BACH2: variants seen among roughly 807,000 people sequenced by gnomAD.
BACH2 encodes BACH transcriptional regulator 2, also known as transcription regulator protein BACH2.
A neutral mutation model predicts 61.8 loss-of-function variants in BACH2; 5 were observed. The observed-to-expected ratio is 0.08, with a 90% CI of 0.04 to 0.17. The LOEUF is 0.17. Ranked by LOEUF, BACH2 falls within the 10% of genes least tolerant of loss-of-function variation. BACH2 has a pLI of 1.00. For synonymous variants in BACH2, 446 were observed against 440.1 expected (o/e 1.01, Z -0.17); for missense variants, 824 against 1,091.1 (o/e 0.76, Z 3.45).
chr6:90,266,308 C>A (rs576067999), intron 2 of BACH2, among the ~76,000 whole-genome samples: 19 of 152,244 alleles, frequency 1.2e-4, no homozygotes, highest in Non-Finnish European at 2.4e-4. Context: ...TCTGGCCCCA[C>A]GACTGACCCA....
chr6:90,111,965 C>A (rs559715869), intron 4 of BACH2, among the ~76,000 whole-genome samples: 1 of 152,338 alleles, frequency 6.6e-6, no homozygotes. Flanking sequence ...TCTCTGCATA[C>A]TGCAAAATAT....
At chr6:90,127,125 A>C (rs1447822767) in intron 4 of BACH2, among the ~76,000 whole-genome samples, 1 of 152,242 alleles carries the variant, frequency 6.6e-6, no homozygotes, top group Non-Finnish European at 1.5e-5. Flanking sequence ...AGACTGTCTT[A>C]TGTGTTGACA....
chr6:90,244,386 T>C (rs539587350), intron 3 of BACH2, among the ~76,000 whole-genome samples: 3 of 152,350 alleles, frequency 2.0e-5, no homozygotes, highest in Non-Finnish European at 2.9e-5. Context: ...TTACTATTAC[T>C]GCTTCCATTT....
intron 6 of BACH2, among the ~76,000 whole-genome samples, chr6:89,971,959 G>A (rs143110851): frequency 2.6e-5 from 4 of 152,282 alleles, no homozygotes; most frequent in East Asian, 1.9e-4. Flanking sequence ...AGCTGCTGGC[G>A]GAAGGGCATC....
At chr6:90,099,589 T>C (rs1252803802) in intron 4 of BACH2, among the ~76,000 whole-genome samples, 1 of 152,170 alleles carries the variant, frequency 6.6e-6, no homozygotes, top group Non-Finnish European at 1.5e-5. Context: ...AGAGCTGATA[T>C]GTTCACAGCT....
chr6:90,135,824 CA>C (rs973592729), intron 4 of BACH2, among the ~76,000 whole-genome samples: 1 of 152,204 alleles, frequency 6.6e-6, no homozygotes, highest in Admixed American at 6.5e-5. Flanking sequence ...GGGCACACAT[CA>C]TATGCTGACT....
In BACH2 at chr6:90,035,524, G is replaced by C. The variant is rs898474727; in HGVS notation, c.-12-26668C>G. On this transcript the variant is annotated intron_variant, in intron 5 of 8. Transcript: ENST00000257749. Reference sequence around the variant, plus strand: ...GCCTTAAGTATCTGACTAACTTCATGTTCAACTAATATGGAGAAACAGATG... The same window carrying C: ...GCCTTAAGTATCTGACTAACTTCATCTTCAACTAATATGGAGAAACAGATG... 2.0e-5 allele frequency among the ~76,000 whole-genome samples: 3 copies of C among 152,072 alleles called. No homozygotes were observed. The South Asian group carries it at 6.2e-4, about 31-fold the overall frequency.
chr6:90,180,284 G>A (rs1768114528), intron 4 of BACH2, among the ~76,000 whole-genome samples: 1 of 152,064 alleles, frequency 6.6e-6, no homozygotes. Context: ...AGTTAAATAA[G>A]TATAAAAGAA....
Position 89,973,814 on chromosome 6 carries a change from C to T in BACH2, c.244-21952G>A, listed in dbSNP as rs546091100. Among the ~76,000 whole-genome samples the T allele has an allele frequency of 3.3e-5, 5 of 151,910 alleles. No homozygotes were observed. In the South Asian group the frequency reaches 1.0e-3, roughly 32 times the overall value. On this transcript the variant is annotated intron_variant, in intron 6 of 8. Transcript: ENST00000257749. Reference sequence around the variant, plus strand: ...CTTATGTAAGTTAAAGTGATGCAGGCATTAATGTCTTCATGTGATCAACTG... The same window carrying T: ...CTTATGTAAGTTAAAGTGATGCAGGTATTAATGTCTTCATGTGATCAACTG...
At chr6:90,279,270 C>T (rs961175430) in intron 1 of BACH2, among the ~76,000 whole-genome samples, 2 of 152,018 alleles carry the variant, frequency 1.3e-5, no homozygotes, top group Non-Finnish European at 2.9e-5. Flanking sequence ...TGCCTGTAAT[C>T]CCAGCACTTT....
At chr6:90,007,895 T>C (rs1269864007) in intron 6 of BACH2, among the ~76,000 whole-genome samples, 1 of 152,180 alleles carries the variant, frequency 6.6e-6, no homozygotes, top group Non-Finnish European at 1.5e-5. Flanking sequence ...GAAGTCAGGA[T>C]GATGAACCAA....
At chr6:90,203,395 A>G (rs1769024338) in intron 4 of BACH2, among the ~76,000 whole-genome samples, 2 of 122,602 alleles carry the variant, frequency 1.6e-5, no homozygotes, top group Admixed American at 1.7e-4. Flanking sequence ...TCTCTCCAAA[A>G]AAAAAAAAAA....
intron 1 of BACH2, among the ~76,000 whole-genome samples, chr6:90,273,052 G>A (rs1441167391): frequency 2.0e-5 from 3 of 152,128 alleles, no homozygotes; most frequent in African/African-American, 7.2e-5. Context: ...ACTGCTATGT[G>A]CCTCAGTCTC....
chr6:90,209,141 A>G (rs1283766616), intron 3 of BACH2, among the ~76,000 whole-genome samples: 1 of 152,202 alleles, frequency 6.6e-6, no homozygotes, highest in African/African-American at 2.4e-5. Context: ...AACGTGGCAC[A>G]TGTATACCTA....
intron 4 of BACH2, among the ~76,000 whole-genome samples, chr6:90,144,714 CAT>C (rs901570763): frequency 6.6e-6 from 1 of 152,174 alleles, no homozygotes. Flanking sequence ...TAGAAGCAAA[CAT>C]AAATAAATTC....
chr6:90,160,955 G>A (rs1477121206), intron 4 of BACH2, among the ~76,000 whole-genome samples: 1 of 152,088 alleles, frequency 6.6e-6, no homozygotes, highest in Non-Finnish European at 1.5e-5. Context: ...GGGCGTGGTG[G>A]CGTGCGCTTG....
chr6:90,140,063 CTCT>C (rs1784412530), intron 4 of BACH2, among the ~76,000 whole-genome samples: 1 of 152,214 alleles, frequency 6.6e-6, no homozygotes, highest in African/African-American at 2.4e-5. Context: ...AGTCCTCCTC[CTCT>C]TCCAAGTCTA....
chr6:90,039,901 T>G lies in BACH2; in HGVS notation c.-12-31045A>C, dbSNP rs1779447207. ...TGTAAATTGTTAATAGTCTTACTAT[T>G]CTTTTAATTTTTTTCCCCTATTGCA... On this transcript the variant is annotated intron_variant, in intron 5 of 8. Coordinates refer to ENST00000257749, the MANE Select transcript of BACH2 (RefSeq NM_021813.4). 1.3e-5 allele frequency among the ~76,000 whole-genome samples: 2 copies of G among 152,204 alleles called. 1 individual carries two copies. The highest frequency in any genetic ancestry group is 4.1e-4 in the South Asian group (2 of 4,830).
At chr6:90,188,481 A>G (rs1643955763) in intron 4 of BACH2, among the ~76,000 whole-genome samples, 2 of 152,126 alleles carry the variant, frequency 1.3e-5, no homozygotes, top group Admixed American at 6.5e-5. Context: ...TGATTTATTC[A>G]TATCTATTAA....
Sources: gnomAD v4.1 joint callset for allele counts (sites outside exome capture counted in the v4.1 genomes callset) on GRCh38, gnomAD v4.1.1 for gene constraint, MANE v1.5 for transcripts, NCBI Gene and HGNC (gene_info 2026-07-23, HGNC 2026-07-21) for gene names.